ARL8B: variants seen among roughly 807,000 people sequenced by gnomAD.
The protein encoded by ARL8B is ADP-ribosylation factor-like protein 8B.
A neutral mutation model predicts 30.6 loss-of-function variants in ARL8B; 9 were observed. The ratio of observed to expected loss-of-function variants is 0.29; its 90% CI spans 0.18 to 0.51. ARL8B has a LOEUF of 0.51. Ranked by LOEUF, ARL8B falls within the 20% of genes least tolerant of loss-of-function variation. ARL8B has a pLI of 0.97. For missense variants in ARL8B, 130 were observed against 227.2 expected (o/e 0.57, Z 2.75); for synonymous variants, 74 against 76.0 (o/e 0.97, Z 0.14).
At chr3:5,143,527 CT>C (rs1375606631) in intron 1 of ARL8B, among the ~76,000 whole-genome samples, 2 of 152,240 alleles carry the variant, frequency 1.3e-5, no homozygotes, top group Admixed American at 6.5e-5. Flanking sequence ...GATCCATGCA[CT>C]TTCCACTGGT....
chr3:5,140,365 G>T (rs1000700858), intron 1 of ARL8B, among the ~76,000 whole-genome samples: 3 of 152,124 alleles, frequency 2.0e-5, no homozygotes, highest in Non-Finnish European at 4.4e-5. Context: ...AACCCCTTTT[G>T]CATGGCTCTC....
rs751090020 is a variant in ARL8B at position 5,170,632 on chromosome 3, T to C, written c.204+49T>C. 41 of 1,387,426 alleles carry C rather than the reference T, an allele frequency of 3.0e-5. No individual in the cohort carries two copies. The African/African-American group carries it at 5.1e-4, about 17-fold the overall frequency. The allele number at this position is 1,387,426 out of a possible 1,614,324, so 85.9% of individuals were successfully genotyped here. A position where few individuals can be genotyped will look rare whatever the true frequency, so the allele number is the denominator to read the frequency against. The stretch of plus-strand genomic sequence containing the variant: ...AATTTAAATTGTTAGCACAGACCCC[T>C]AGAAATTTTTCTGTTAAATTTCTGT... On this transcript the variant is annotated intron_variant, in intron 2 of 6. Transcript: ENST00000256496.
intron 1 of ARL8B, among the ~76,000 whole-genome samples, chr3:5,124,529 A>G (rs1435379564): frequency 6.6e-6 from 1 of 151,950 alleles, no homozygotes; most frequent in Non-Finnish European, 1.5e-5. Flanking sequence ...GCAGTGGTGC[A>G]GTCGTAGCTC....
chr3:5,171,617 G>A (rs2054677213), intron 2 of ARL8B, among the ~76,000 whole-genome samples: 1 of 152,124 alleles, frequency 6.6e-6, no homozygotes, highest in Non-Finnish European at 1.5e-5. Context: ...CAAAGTGCTG[G>A]GATTATAGGT....
In ARL8B at chr3:5,162,546, G is replaced by C. The variant is rs943260464; in HGVS notation, c.124-7957G>C. Among the ~76,000 whole-genome samples the C allele has an allele frequency of 2.6e-5, 4 of 152,294 alleles. No homozygotes were observed. In the South Asian group the frequency reaches 8.3e-4, roughly 32 times the overall value. ...TAATTTCTGAGTTTTTTGTTTATCT[G>C]GGATGTTGGCCCATGGGGAGAATTT... On this transcript the variant is annotated intron_variant, in intron 1 of 6. Coordinates refer to ENST00000256496, the MANE Select transcript of ARL8B (RefSeq NM_018184.3).
chr3:5,128,568 A>G (rs2054252645), intron 1 of ARL8B: 1 of 378,864 alleles, frequency 2.6e-6, no homozygotes, highest in African/African-American at 2.1e-5. Context: ...GGATTTTTTA[A>G]GTTTTTCAAA....
chr3:5,129,442 A>G (rs2054261848), intron 1 of ARL8B, among the ~76,000 whole-genome samples: 1 of 152,192 alleles, frequency 6.6e-6, no homozygotes, highest in Admixed American at 6.5e-5. Context: ...GTAGAACGGT[A>G]TTTTAAAATT....
intron 1 of ARL8B, among the ~76,000 whole-genome samples, chr3:5,152,770 G>A (rs2054495869): frequency 6.6e-6 from 1 of 152,168 alleles, no homozygotes; most frequent in South Asian, 2.1e-4. Context: ...ACAGGCATGA[G>A]CCACTGTGCC....
At chr3:5,151,158 T>C (rs1291558831) in intron 1 of ARL8B, among the ~76,000 whole-genome samples, 1 of 152,236 alleles carries the variant, frequency 6.6e-6, no homozygotes, top group African/African-American at 2.4e-5. Flanking sequence ...AAAGTTTTTC[T>C]GTGTTCAGTA....
chr3:5,163,768 G>T (rs1293570682), intron 1 of ARL8B, among the ~76,000 whole-genome samples: 1 of 152,178 alleles, frequency 6.6e-6, no homozygotes, highest in African/African-American at 2.4e-5. Flanking sequence ...TACTCGGGAG[G>T]CTGAGGCAGG....
chr3:5,130,780 C>T (rs1264233282), intron 1 of ARL8B, among the ~76,000 whole-genome samples: 3 of 151,752 alleles, frequency 2.0e-5, no homozygotes, highest in Non-Finnish European at 2.9e-5. Flanking sequence ...AAGTGATCCG[C>T]CCGCCTCGGC....
rs1479810253 is a variant in ARL8B, at chr3:5,159,722, T to C, written c.124-10781T>C. On this transcript the variant is annotated intron_variant, in intron 1 of 6. Coordinates refer to ENST00000256496, the MANE Select transcript of ARL8B (RefSeq NM_018184.3). ...AAATCCCCCTTTTTAAGTTCAGTAA[T>C]AGAAACCTAGAAATAGATTTAGAAA... 3.3e-5 allele frequency among the ~76,000 whole-genome samples: 5 copies of C among 151,648 alleles called. No homozygotes were observed. In the East Asian group the frequency reaches 9.7e-4, roughly 29 times the overall value.
At chr3:5,157,514 G>A (rs1176753375) in intron 1 of ARL8B, among the ~76,000 whole-genome samples, 3 of 152,010 alleles carry the variant, frequency 2.0e-5, no homozygotes, top group Non-Finnish European at 4.4e-5. Context: ...AGCAACACAG[G>A]TTCTTTCTCC....
intron 6 of ARL8B, among the ~76,000 whole-genome samples, chr3:5,177,421 G>T (rs1275454760): frequency 2.0e-5 from 3 of 151,106 alleles, no homozygotes; most frequent in East Asian, 1.9e-4. Context: ...ACTTCTATCA[G>T]TATCCACAGA....
At chr3:5,140,390 C>T (rs1468620543) in intron 1 of ARL8B, among the ~76,000 whole-genome samples, 1 of 152,108 alleles carries the variant, frequency 6.6e-6, no homozygotes, top group Non-Finnish European at 1.5e-5. Context: ...CTCTCTAGCC[C>T]ACCACCATGT....
chr3:5,142,873 G>C (rs979985036), intron 1 of ARL8B, among the ~76,000 whole-genome samples: 1 of 152,206 alleles, frequency 6.6e-6, no homozygotes, highest in Non-Finnish European at 1.5e-5. Flanking sequence ...ATGGCAATGA[G>C]TATAGGGTTG....
At chr3:5,166,595 C>T (rs1055740743) in intron 1 of ARL8B, among the ~76,000 whole-genome samples, 3 of 152,250 alleles carry the variant, frequency 2.0e-5, no homozygotes, top group South Asian at 2.1e-4. Context: ...GCCTTGGCCT[C>T]CCAAAGTGCT....
chr3:5,134,309 A>G (rs913197319), intron 1 of ARL8B, among the ~76,000 whole-genome samples: 1 of 152,216 alleles, frequency 6.6e-6, no homozygotes, highest in African/African-American at 2.4e-5. Flanking sequence ...TTATTTGTGT[A>G]TTTATGTACA....
intron 1 of ARL8B, among the ~76,000 whole-genome samples, chr3:5,126,767 T>G (rs1017928185): frequency 1.3e-5 from 2 of 152,210 alleles, no homozygotes; most frequent in Non-Finnish European, 2.9e-5. Context: ...CTTTTCTGAT[T>G]AGTGTCAAGG....
Sources: allele counts gnomAD v4.1 joint callset (sites outside exome capture counted in the v4.1 genomes callset), GRCh38; gene constraint gnomAD v4.1.1; transcripts MANE v1.5; gene names NCBI Gene and HGNC (gene_info 2026-07-23, HGNC 2026-07-21).